Variants in PPP6R3 observed in about 807,000 individuals in gnomAD.
PPP6R3 encodes the protein protein phosphatase 6 regulatory subunit 3.
Under a neutral mutation model 110.7 loss-of-function variants are expected in PPP6R3, and 38 were observed. That is an observed-to-expected ratio of 0.34 (90% confidence interval 0.26 to 0.45). PPP6R3 has a LOEUF of 0.45. Among genes scored for constraint, PPP6R3 ranks in the 20% least tolerant of loss-of-function variants. PPP6R3 has a pLI of 1.00. For missense variants in PPP6R3, 870 were observed against 1,062.4 expected, an observed-to-expected ratio of 0.82 and a Z score of 2.52; for synonymous variants, 369 against 373.5, an observed-to-expected ratio of 0.99 and a Z score of 0.14.
intron 2 of PPP6R3, among the ~76,000 whole-genome samples, chr11:68,526,830 C>T (rs2099201472): frequency 6.6e-6 from 1 of 152,192 alleles, no homozygotes. Context: ...AAAATAGGCA[C>T]AGAAATTCCT....
At chr11:68,484,987 T>C (rs191992876) in intron 1 of PPP6R3, among the ~76,000 whole-genome samples, 9 of 152,322 alleles carry the variant, frequency 5.9e-5, no homozygotes, top group African/African-American at 1.7e-4. Flanking sequence ...AGAACTGATA[T>C]CATGACAATA....
At chr11:68,588,400 G>A (rs963808794) in intron 16 of PPP6R3, among the ~76,000 whole-genome samples, 19 of 151,960 alleles carry the variant, frequency 1.3e-4, no homozygotes, top group Admixed American at 9.2e-4. Flanking sequence ...CTCAGGAGGC[G>A]GAGGTTGTAG....
At chr11:68,609,361 A>T in intron 22 of PPP6R3, 1 of 669,482 alleles carries the variant, frequency 1.5e-6, no homozygotes, top group Non-Finnish European at 2.7e-6. Context: ...CGGTGACCTC[A>T]TGTGACTGAG....
chr11:68,539,043 C>T (rs905305557), intron 3 of PPP6R3, among the ~76,000 whole-genome samples: 4 of 152,154 alleles, frequency 2.6e-5, no homozygotes, highest in African/African-American at 9.7e-5. Flanking sequence ...TCACTTGAGC[C>T]CGGGAGGCCG....
At chr11:68,515,934 T>C (rs1469977186) in intron 1 of PPP6R3, among the ~76,000 whole-genome samples, 1 of 152,246 alleles carries the variant, frequency 6.6e-6, no homozygotes, top group Non-Finnish European at 1.5e-5. Flanking sequence ...CTTAGCCTTT[T>C]TAAGTGTACA....
chr11:68,513,936 A>G (rs769140611), intron 1 of PPP6R3, among the ~76,000 whole-genome samples: 5 of 152,252 alleles, frequency 3.3e-5, no homozygotes, highest in African/African-American at 7.2e-5. Flanking sequence ...TCTCTGAGCA[A>G]CTGCATATGT....
At chr11:68,486,252 G>T (rs2098946547) in intron 1 of PPP6R3, among the ~76,000 whole-genome samples, 1 of 151,898 alleles carries the variant, frequency 6.6e-6, no homozygotes, top group Admixed American at 6.6e-5. Context: ...GCCTTGTAGT[G>T]TCCTTGTCTG....
chr11:68,474,535 A>G (rs2098814782), intron 1 of PPP6R3, among the ~76,000 whole-genome samples: 1 of 151,894 alleles, frequency 6.6e-6, no homozygotes, highest in Non-Finnish European at 1.5e-5. Context: ...TCCTTTTTTT[A>G]TATCAACCTT....
intron 3 of PPP6R3, among the ~76,000 whole-genome samples, chr11:68,543,000 C>G (rs924113274): frequency 6.6e-6 from 1 of 152,146 alleles, no homozygotes; most frequent in East Asian, 1.9e-4. Context: ...TCTCCCCAAC[C>G]CACTCTAGCA....
At chr11:68,560,239 A>G (rs2099414079) in intron 8 of PPP6R3, among the ~76,000 whole-genome samples, 1 of 152,252 alleles carries the variant, frequency 6.6e-6, no homozygotes, top group Non-Finnish European at 1.5e-5. Flanking sequence ...TGAGATGAGA[A>G]AAATAATACA....
rs1011687549 is a variant in PPP6R3 at position 68,615,001 on chromosome 11, T to C, written c.*1884T>C. ...GGCTTCTCCATCCCACTGTGGCCTC[T>C]GTGGTATGGACCTGGTGGCTTCTCC... On this transcript the variant is annotated 3_prime_UTR_variant, in exon 24 of 24. Coordinates refer to ENST00000393800, the MANE Select transcript of PPP6R3 (RefSeq NM_001164161.2). The C allele has an allele frequency of 5.5e-6, 3 of 543,326 alleles. No individual in the cohort carries two copies. Among genetic ancestry groups the C allele is most frequent in the Non-Finnish European group, 1.1e-5 (3 of 283,272 alleles). 33.7% of individuals were successfully genotyped at this position (543,326 alleles called of 1,614,324 possible).
chr11:68,558,010 A>G (rs1371514328), intron 7 of PPP6R3, among the ~76,000 whole-genome samples: 1 of 152,180 alleles, frequency 6.6e-6, no homozygotes, highest in Admixed American at 6.5e-5. Flanking sequence ...CATTTATTTC[A>G]TTGCTGCCAT....
chr11:68,587,811 CT>C (rs1325965711), intron 15 of PPP6R3, 115 bp from the exon 16 acceptor site: 1 of 929,984 alleles, frequency 1.1e-6, no homozygotes, highest in African/African-American at 1.6e-5. Context: ...AACACACCAA[CT>C]TTTATAGCCC....
chr11:68,465,085 T>TG (rs1391902020), intron 1 of PPP6R3, among the ~76,000 whole-genome samples: 5 of 152,186 alleles, frequency 3.3e-5, no homozygotes, highest in Admixed American at 2.0e-4. Flanking sequence ...TTTCACCATG[T>TG]GGGCCAGGCT....
chr11:68,497,349 C>G (rs1482125117), intron 1 of PPP6R3, among the ~76,000 whole-genome samples: 1 of 151,554 alleles, frequency 6.6e-6, no homozygotes, highest in Admixed American at 6.6e-5. Flanking sequence ...CCACCACGTC[C>G]GGCCTCTGTA....
chr11:68,478,758 A>G (rs909781971), intron 1 of PPP6R3, among the ~76,000 whole-genome samples: 1 of 141,258 alleles, frequency 7.1e-6, no homozygotes, highest in Non-Finnish European at 1.5e-5. Context: ...CCCGGGTTCA[A>G]GTGATTCTCC....
chr11:68,537,896 G>T lies in PPP6R3; in HGVS notation c.227+5G>T. The T allele has an allele frequency of 6.3e-7, 1 of 1,590,730 alleles. No individual in the cohort carries two copies. The highest frequency in any genetic ancestry group is 1.1e-5 in the South Asian group (1 of 90,272). On this transcript the variant is annotated splice_donor_5th_base_variant and intron_variant, in intron 3 of 23. Transcript: ENST00000393800. ...GGATGAAAAGATCAGATACAAGTAA[G>T]ACAATTCAATCTTCTCTGTAGAGTG...
At chr11:68,495,434 C>T (rs567935272) in intron 1 of PPP6R3, among the ~76,000 whole-genome samples, 3 of 152,284 alleles carry the variant, frequency 2.0e-5, no homozygotes, top group African/African-American at 7.2e-5. Flanking sequence ...ATCACAATCA[C>T]TTAGAATATT....
Position 68,603,489 on chromosome 11 carries a change from A to G in PPP6R3, c.2447A>G (p.Lys816Arg). Reference protein sequence around the residue: ...VDAKTETAVFKSEEGKLSTSQ... With the variant: ...VDAKTETAVFRSEEGKLSTSQ... ...GCCAAGACAGAGACTGCGGTCTTCAAAAGGTAACCAGGGGTGAGATCCTGC... is the reference window on the plus strand; with the variant it reads ...GCCAAGACAGAGACTGCGGTCTTCAGAAGGTAACCAGGGGTGAGATCCTGC... Residue 816 changes from lysine (K) to arginine (R), a missense_variant, in exon 22 of 24, where the codon AAA becomes AGA. Coordinates refer to ENST00000393800, the MANE Select transcript of PPP6R3 (RefSeq NM_001164161.2). 1 of 1,614,148 alleles carries G rather than the reference A, an allele frequency of 6.2e-7. No individual in the cohort carries two copies. The highest frequency in any genetic ancestry group is 8.5e-7 in the Non-Finnish European group (1 of 1,179,974).
Sources: allele counts gnomAD v4.1 joint callset (sites outside exome capture counted in the v4.1 genomes callset), GRCh38; gene constraint gnomAD v4.1.1; transcripts MANE v1.5; gene names NCBI Gene and HGNC (gene_info 2026-07-23, HGNC 2026-07-21).